SCNN1D: variants seen among roughly 807,000 people sequenced by gnomAD.
SCNN1D encodes the protein sodium channel epithelial 1 subunit delta.
In SCNN1D, 104 loss-of-function variants were observed where a neutral mutation model predicts 87.8. That is an observed-to-expected ratio of 1.18 (90% CI 1.01 to 1.39). The LOEUF (loss-of-function observed/expected upper bound fraction) is 1.39, where lower values mean the gene tolerates loss of function less well. Ranked by LOEUF, SCNN1D falls within the 40% of genes most tolerant of loss-of-function variation. The probability of loss-of-function intolerance (pLI) is 0.00; values close to 1 mark genes in which losing one functional copy is unlikely to be tolerated. For synonymous variants in SCNN1D, 628 were observed against 481.2 expected (o/e 1.31, Z -3.99); for missense variants, 1,324 against 1,093.9 (o/e 1.21, Z -2.97).
rs552101925 is a variant in SCNN1D at position 1,291,399 on chromosome 1, G to T, written c.2198G>T (p.Trp733Leu). Residue 733 changes from tryptophan (W) to leucine (L), a missense_variant, in exon 18 of 18, where the codon TGG becomes TTG. Transcript: ENST00000379116. ...VLGGRRLRRA[W>L]FSWPRASPAS... ...GGCGGCCGCCGGCTCCGCAGGGCGT[G>T]GTTCTCCTGGCCCAGAGCCAGCCCT... is the stretch of plus-strand genomic sequence containing the variant. 2.5e-6 allele frequency: 4 copies of T among 1,608,566 alleles called. No individual in the cohort carries two copies. The highest frequency in any genetic ancestry group is 3.4e-6 in the Non-Finnish European group (4 of 1,178,436).
chr1:1,283,832 G>A (rs1640516964), intron 4 of SCNN1D, 146 bp from the exon 5 acceptor site: 3 of 449,076 alleles, frequency 6.7e-6, no homozygotes, highest in Non-Finnish European at 1.2e-5. Flanking sequence ...CAGGGCTCAG[G>A]ATGGGAAAGA....
At chr1:1,290,003 C>T (rs1319495579) in intron 12 of SCNN1D, among the ~76,000 whole-genome samples, 2 of 64,702 alleles carry the variant, frequency 3.1e-5, no homozygotes, top group Non-Finnish European at 4.6e-5. Context: ...TGCTCCGTCC[C>T]GTGTCCCTGC....
chr1:1,291,795 TC>T lies in SCNN1D; in HGVS notation c.*186del, dbSNP rs1640828014. The T allele has an allele frequency of 4.2e-6, 2 of 480,184 alleles. No individual in the cohort carries two copies. Among genetic ancestry groups the T allele is most frequent in the South Asian group, 9.1e-5 (2 of 21,914 alleles). 29.7% of individuals were successfully genotyped at this position (480,184 alleles called of 1,614,324 possible). On this transcript the variant is annotated 3_prime_UTR_variant, in exon 18 of 18. Transcript: ENST00000379116. Reference sequence around the variant, plus strand: ...AACCACCTACACTGCCTGGGGTGGGTCTCAAGGAGGCCCGGGGCGGAGGGGG... The same window carrying T: ...AACCACCTACACTGCCTGGGGTGGGTTCAAGGAGGCCCGGGGCGGAGGGGG...
intron 13 of SCNN1D, 44 bp downstream of exon 13, chr1:1,290,432 G>A (rs775795595): frequency 1.9e-6 from 3 of 1,611,370 alleles, no homozygotes; most frequent in Admixed American, 3.3e-5. Flanking sequence ...CCATTAGCCG[G>A]GGGGTCACAG....
intron 15 of SCNN1D, 52 bp from the exon 16 acceptor site, chr1:1,290,843 G>C (rs1323945839): frequency 6.3e-7 from 1 of 1,599,494 alleles, no homozygotes; most frequent in Non-Finnish European, 8.5e-7. Flanking sequence ...TGGTACCCAG[G>C]ATGGCCGGGG....
At chr1:1,287,394 C>A in intron 9 of SCNN1D, 95 bp downstream of exon 9, 1 of 1,485,650 alleles carries the variant, frequency 6.7e-7, no homozygotes, top group Admixed American at 2.2e-5. Context: ...GGGAGCCACC[C>A]AAGGCTGGCC....
chr1:1,284,611 C>G (rs1383153261), intron 5 of SCNN1D, among the ~76,000 whole-genome samples: 2 of 150,918 alleles, frequency 1.3e-5, no homozygotes, highest in African/African-American at 2.4e-5. Context: ...ACGGGGGGTG[C>G]CGAGCGTGTG....
chr1:1,286,433 G>A, intron 7 of SCNN1D, among the ~76,000 whole-genome samples, 155 bp downstream of exon 7: 1 of 152,142 alleles, frequency 6.6e-6, no homozygotes, highest in East Asian at 1.9e-4. Flanking sequence ...CCAAACCTCG[G>A]TGCCCAGCCC....
rs1350299075 is a variant in SCNN1D, at chr1:1,280,463, A to G, written c.-199A>G. The G allele has an allele frequency of 2.1e-6, 1 of 478,490 alleles. No homozygotes were observed. Among genetic ancestry groups the G allele is most frequent in the East Asian group, 3.3e-5 (1 of 30,112 alleles). 29.6% of individuals were successfully genotyped at this position (478,490 alleles called of 1,614,324 possible). On this transcript the variant is annotated 5_prime_UTR_variant, in exon 1 of 18. Transcript: ENST00000379116. Reference sequence around the variant, plus strand: ...TGGGCGACAGCGAGACTCCATCTCAATAAATAAAAAAAAAAAAGAGTTGTT... The same window carrying G: ...TGGGCGACAGCGAGACTCCATCTCAGTAAATAAAAAAAAAAAAGAGTTGTT...
Position 1,291,152 on chromosome 1 carries a change from C to T in SCNN1D, c.2052+12C>T, listed in dbSNP as rs377091555. On this transcript the variant is annotated intron_variant, in intron 17 of 17. Coordinates refer to ENST00000379116, the MANE Select transcript of SCNN1D (RefSeq NM_001130413.4). ...CGCCCGTGTACTCGGTGAGCCTTGG[C>T]CCCCTGCCTGGGCTAGAGCGGGGGC... 8.7e-4 allele frequency: 1,397 copies of T among 1,610,216 alleles called. 3 individuals carry two copies. Among genetic ancestry groups the T allele is most frequent in the Non-Finnish European group, 1.1e-3 (1,319 of 1,178,804 alleles).
chr1:1,288,751 T>C (rs369001490), intron 12 of SCNN1D, among the ~76,000 whole-genome samples: 26 of 2,866 alleles, frequency 9.1e-3, no homozygotes, highest in South Asian at 0.038. Flanking sequence ...GTGTCTCTGC[T>C]CCGTCCCGTG....
intron 12 of SCNN1D, 24 bp from the exon 13 acceptor site, chr1:1,290,247 C>T (rs535106946): frequency 1.7e-5 from 25 of 1,514,800 alleles, no homozygotes; most frequent in African/African-American, 8.3e-5. Flanking sequence ...ATCCCATGTC[C>T]CTGCTCATCC....
rs746871750 is a variant in SCNN1D at position 1,286,069 on chromosome 1, C to T, written c.702C>T (p.His234=). 21 of 1,598,758 alleles carry T rather than the reference C, an allele frequency of 1.3e-5. No individual in the cohort carries two copies. In the East Asian group the frequency reaches 3.4e-4, roughly 26 times the overall value. The change falls in exon 7 of 18, where the codon CAC becomes CAT. Residue 234 remains histidine (H), a synonymous_variant. Coordinates refer to ENST00000379116, the MANE Select transcript of SCNN1D (RefSeq NM_001130413.4). ...LTFFCTNATI[H]GAIRLVCSRG... ...TCTTCTGCACCAATGCCACCATCCA[C>T]GGCGCCATCCGCCTGGTCTGCTCCC...
At position 1,291,045 on chromosome 1, in the gene SCNN1D, A is replaced by G; in HGVS notation, c.1977-20A>G. On this transcript the variant is annotated intron_variant, in intron 16 of 17. Transcript: ENST00000379116. The stretch of plus-strand genomic sequence containing the variant: ...CATGAAGGTCTGGGCCAGCGCCCTC[A>G]TGCCTCTATCCTGCCCCAGGAGCAG... The G allele has an allele frequency of 1.9e-6, 3 of 1,605,766 alleles. No homozygotes were observed. The highest frequency in any genetic ancestry group is 1.7e-5 in the Admixed American group (1 of 58,972).
rs954682143 is a variant in SCNN1D, at chr1:1,282,723, T to C, written c.351+408T>C. Among the ~76,000 whole-genome samples, 18 of 151,584 alleles carry C rather than the reference T, an allele frequency of 1.2e-4. No individual in the cohort carries two copies. The East Asian group carries it at 1.5e-3, about 13-fold the overall frequency. Reference sequence around the variant, plus strand: ...TTAGCATACGTGTGTGGTCTTAGCATGTGTGGGGTCTTAGTGTGTTGTGAA... The same window carrying C: ...TTAGCATACGTGTGTGGTCTTAGCACGTGTGGGGTCTTAGTGTGTTGTGAA... On this transcript the variant is annotated intron_variant, in intron 4 of 17. Coordinates refer to ENST00000379116, the MANE Select transcript of SCNN1D (RefSeq NM_001130413.4).
Position 1,287,240 on chromosome 1 carries a change from G to A in SCNN1D, c.1251G>A (p.Gly417=). The change falls in exon 9 of 18, where the codon GGG becomes GGA. Residue 417 remains glycine (G), a synonymous_variant. Transcript: ENST00000379116. ...CCGCGGCATGGGAGGACAGCCACGG[G>A]AGCCAGGACGGCCACTTCGTCCTCT... ...LLPAAWEDSH[G]SQDGHFVLSC... 1.2e-6 allele frequency: 2 copies of A among 1,611,310 alleles called. No homozygotes were observed. The highest frequency in any genetic ancestry group is 1.7e-6 in the Non-Finnish European group (2 of 1,179,302).
At chr1:1,281,039 A>G in intron 1 of SCNN1D, 187 bp from the exon 2 acceptor site, 1 of 618,254 alleles carries the variant, frequency 1.6e-6, no homozygotes, top group East Asian at 2.7e-5. Context: ...ACCCCAGGCC[A>G]CCCCTGGCCT....
chr1:1,287,303 AGT>A lies in SCNN1D; in HGVS notation c.1310+8_1310+9del. The A allele has an allele frequency of 1.3e-6, 2 of 1,581,400 alleles. No homozygotes were observed. The highest frequency in any genetic ancestry group is 1.7e-6 in the Non-Finnish European group (2 of 1,161,106). Reference sequence around the variant, plus strand: ...ATGGCCTGGACTGCCAGGCCCGGTGAGTGTGGCGGGCGGGGGCCACTCCTTCC... The same window carrying A: ...ATGGCCTGGACTGCCAGGCCCGGTGAGTGGCGGGCGGGGGCCACTCCTTCC... On this transcript the variant is annotated splice_donor_5th_base_variant and intron_variant, in intron 9 of 17. Transcript: ENST00000379116.
Position 1,291,247 on chromosome 1 carries a change from C to A in SCNN1D, c.2053-7C>A. The A allele has an allele frequency of 2.6e-6, 4 of 1,557,918 alleles. No homozygotes were observed. The highest frequency in any genetic ancestry group is 3.5e-6 in the Non-Finnish European group (4 of 1,152,460). On this transcript the variant is annotated splice_polypyrimidine_tract_variant and splice_region_variant and intron_variant, in intron 17 of 17. Coordinates refer to ENST00000379116, the MANE Select transcript of SCNN1D (RefSeq NM_001130413.4). ...GCCCGCCCCTCACACCCGCACCCCA[C>A]CCGCAGGTGCCGCAGCTGCTCTCGG...
Sources: gnomAD v4.1 joint callset for allele counts (sites outside exome capture counted in the v4.1 genomes callset) on GRCh38, gnomAD v4.1.1 for gene constraint, MANE v1.5 for transcripts, NCBI Gene and HGNC (gene_info 2026-07-23, HGNC 2026-07-21) for gene names.